TCF20: variants seen among roughly 807,000 people sequenced by gnomAD.
TCF20 encodes the protein transcription factor 20, also known as SPRE-binding protein.
TCF20 carries 3 observed loss-of-function variants against 148.6 expected under a neutral mutation model. The observed-to-expected ratio is 0.02, with a 90% CI of 0.01 to 0.05. The LOEUF is 0.05. Among genes scored for constraint, TCF20 ranks in the 10% least tolerant of loss-of-function variants. The probability of loss-of-function intolerance (pLI) is 1.00; values close to 1 mark genes in which losing one functional copy is unlikely to be tolerated. For missense variants in TCF20, 2,350 were observed against 2,429.3 expected (o/e 0.97, Z 0.69); for synonymous variants, 1,049 against 909.5 (o/e 1.15, Z -2.76).
chr22:42,229,614 T>C (rs1923216892), intron 1 of TCF20, among the ~76,000 whole-genome samples: 1 of 151,956 alleles, frequency 6.6e-6, no homozygotes, highest in Non-Finnish European at 1.5e-5. Context: ...CCACGGCAAT[T>C]TTCCTTTCCA....
chr22:42,208,523 A>G (rs952294740), intron 2 of TCF20, among the ~76,000 whole-genome samples: 2 of 152,128 alleles, frequency 1.3e-5, no homozygotes, highest in Non-Finnish European at 2.9e-5. Flanking sequence ...GGTACCAGGG[A>G]GCCCCAGAGT....
Position 42,323,835 on chromosome 22 carries a change from G to A in TCF20, c.-37+19644C>T, listed in dbSNP as rs1028396437. On this transcript the variant is annotated intron_variant, in intron 1 of 1. Transcript: ENST00000515426. ...GAGAGTGAGCTGTTGCGGTGGTCGCGGTGGTGGTAGTGGTGATGGAGGTTA... is the reference window on the plus strand; with the variant it reads ...GAGAGTGAGCTGTTGCGGTGGTCGCAGTGGTGGTAGTGGTGATGGAGGTTA... Among the ~76,000 whole-genome samples the A allele has an allele frequency of 9.9e-4, 150 of 151,168 alleles. 2 individuals carry two copies. The highest frequency in any genetic ancestry group is 1.9e-3 in the Admixed American group (29 of 15,178).
chr22:42,287,990 C>T (rs764877888), upstream of TCF20, among the ~76,000 whole-genome samples: 1 of 152,212 alleles, frequency 6.6e-6, no homozygotes, highest in Non-Finnish European at 1.5e-5. Context: ...GAAGAGCTTT[C>T]GGCAAGTCCA....
chr22:42,311,490 T>C (rs76030586), intron 1 of TCF20, among the ~76,000 whole-genome samples: 2,377 of 152,278 alleles, frequency 0.016, 57 homozygotes, highest in African/African-American at 0.054. Context: ...GCTGTGAGGA[T>C]TGGGCCCTCT....
chr22:42,200,364 T>C (rs1398529221), intron 2 of TCF20, among the ~76,000 whole-genome samples: 2 of 152,096 alleles, frequency 1.3e-5, no homozygotes, highest in Non-Finnish European at 2.9e-5. Flanking sequence ...CTATCAACTT[T>C]AGCCGGGTGT....
At chr22:42,266,374 T>C (rs1404470888) in intron 1 of TCF20, among the ~76,000 whole-genome samples, 1 of 152,260 alleles carries the variant, frequency 6.6e-6, no homozygotes, top group African/African-American at 2.4e-5. Flanking sequence ...CCAGCATTTT[T>C]TCCTGCCTAT....
chr22:42,238,993 C>G, intron 1 of TCF20, among the ~76,000 whole-genome samples: 1 of 151,966 alleles, frequency 6.6e-6, no homozygotes, highest in East Asian at 1.9e-4. Context: ...TGGCGGGCAC[C>G]TGTAGTCCCA....
rs1414365388 is a variant in TCF20 at position 42,212,837 on chromosome 22, T to C, written c.2469A>G (p.Lys823=). ...TCATTTCAGGAGCTGTGCTGCTTGA[T>C]TTCCTTTCCCAGGGGCCCCAGTGGG... ...ENPHWGPWER[K]SSSTAPEMKQ... is the part of the protein sequence containing the mutation. Residue 823 remains lysine, a synonymous_variant, in exon 2 of 6, where the codon AAA becomes AAG. Coordinates refer to ENST00000677622, the MANE Select transcript of TCF20 (RefSeq NM_001378418.1). The C allele has an allele frequency of 2.5e-6, 4 of 1,614,152 alleles. No homozygotes were observed. Among genetic ancestry groups the C allele is most frequent in the East Asian group, 2.2e-5 (1 of 44,878 alleles).
chr22:42,244,576 C>T (rs1692775609), intron 1 of TCF20, among the ~76,000 whole-genome samples: 1 of 152,076 alleles, frequency 6.6e-6, no homozygotes, highest in Non-Finnish European at 1.5e-5. Flanking sequence ...AATGAAATAT[C>T]CAAAAGAAGT....
chr22:42,241,743 C>T (rs1264325146), intron 1 of TCF20, among the ~76,000 whole-genome samples: 1 of 152,076 alleles, frequency 6.6e-6, no homozygotes, highest in Non-Finnish European at 1.5e-5. Flanking sequence ...ACAAGAACTG[C>T]TTGAACCCAG....
chr22:42,283,991 C>T (rs1176888934), exon 1 of TCF20, among the ~76,000 whole-genome samples: 1 of 152,214 alleles, frequency 6.6e-6, no homozygotes, highest in Non-Finnish European at 1.5e-5. Flanking sequence ...AGCCTCCTCG[C>T]GGCTCCTCCT....
chr22:42,197,199 A>G (rs1937634503), intron 2 of TCF20, among the ~76,000 whole-genome samples: 1 of 152,172 alleles, frequency 6.6e-6, no homozygotes, highest in Non-Finnish European at 1.5e-5. Context: ...TTCCTTTAAA[A>G]CCACATCAAC....
chr22:42,212,924 T>C lies in TCF20; in HGVS notation c.2382A>G (p.Gln794=), dbSNP rs754721839. Residue 794 remains glutamine, a synonymous_variant, in exon 2 of 6, where the codon CAA becomes CAG. Coordinates refer to ENST00000677622, the MANE Select transcript of TCF20 (RefSeq NM_001378418.1). The stretch of plus-strand genomic sequence containing the variant: ...GGCCCCTGCTAGCTAATTCATTGGT[T>C]TGACTAACCAAGACATTGGGCCTTG... The part of the protein sequence containing the change: ...GTTRPNVLVS[Q]TNELASRGLL... The C allele has an allele frequency of 7.4e-6, 12 of 1,614,076 alleles. No individual in the cohort carries two copies. The highest frequency in any genetic ancestry group is 5.0e-5 in the Admixed American group (3 of 60,010).
chr22:42,161,812 C>CG (rs1660529266), intron 5 of TCF20, among the ~76,000 whole-genome samples: 1 of 152,136 alleles, frequency 6.6e-6, no homozygotes, highest in African/African-American at 2.4e-5. Context: ...ACAGCTGCCT[C>CG]TAGTCAACAC....
intron 2 of TCF20, among the ~76,000 whole-genome samples, chr22:42,190,395 G>T (rs1937268577): frequency 6.6e-6 from 1 of 152,134 alleles, no homozygotes; most frequent in African/African-American, 2.4e-5. Flanking sequence ...ATGAGGTCAA[G>T]GCTGCAGCCA....
rs1601711809 is a variant in TCF20, at chr22:42,338,082, C to CG, written c.-37+5396dup. Among the ~76,000 whole-genome samples, 2 of 152,306 alleles carry CG rather than the reference C, an allele frequency of 1.3e-5. No individual in the cohort carries two copies. Among genetic ancestry groups the CG allele is most frequent in the East Asian group, 3.9e-4 (2 of 5,176 alleles). On this transcript the variant is annotated intron_variant, in intron 1 of 1. Coordinates refer to the TCF20 transcript ENST00000515426. This position sits in a 1 kb window ranked among gnomAD's most constrained non-coding sequence, Gnocchi z 4.0. ...CCCACCTGGGTCCAGTGGGGGCATG[C>CG]GTCCCAGGAAGAAAACCCTCTGGGC...
chr22:42,262,633 C>T (rs764130352), intron 1 of TCF20, among the ~76,000 whole-genome samples: 6 of 151,792 alleles, frequency 4.0e-5, no homozygotes, highest in Non-Finnish European at 7.4e-5. Flanking sequence ...CAGAGATCAC[C>T]GAGGGAGAAA....
intron 1 of TCF20, among the ~76,000 whole-genome samples, chr22:42,236,136 A>C (rs1246691920): frequency 2.6e-5 from 4 of 152,172 alleles, no homozygotes; most frequent in African/African-American, 9.7e-5. Flanking sequence ...AGATCTCACC[A>C]CTGCACACTC....
chr22:42,329,369 C>A (rs986621577), intron 1 of TCF20, among the ~76,000 whole-genome samples: 2 of 152,220 alleles, frequency 1.3e-5, no homozygotes, highest in African/African-American at 4.8e-5. Context: ...AGGAGAATGG[C>A]CACAGGACAG....
Sources: gnomAD v4.1 joint callset for allele counts (sites outside exome capture counted in the v4.1 genomes callset) on GRCh38, gnomAD v4.1.1 for gene constraint, Gnocchi (gnomAD v3.1) non-coding constraint, MANE v1.5 for transcripts, NCBI Gene and HGNC (gene_info 2026-07-23, HGNC 2026-07-21) for gene names.